Variants in RRP1B observed in about 807,000 individuals in gnomAD.
RRP1B encodes the protein ribosomal RNA processing 1B.
Under a neutral mutation model 80.2 loss-of-function variants are expected in RRP1B, and 56 were observed. The observed-to-expected ratio is 0.70, with a 90% CI of 0.56 to 0.87. The LOEUF (loss-of-function observed/expected upper bound fraction) is 0.87. Ranked by LOEUF, RRP1B falls within the 40% of genes least tolerant of loss-of-function variation. RRP1B has a pLI of 0.00. For missense variants in RRP1B, 807 were observed against 939.8 expected (o/e 0.86, Z 1.85); for synonymous variants, 351 against 357.6 (o/e 0.98, Z 0.21).
rs146142167 is a variant in RRP1B at position 43,687,865 on chromosome 21, G to A, written c.1491G>A (p.Met497Ile). Residue 497 changes from methionine (M) to isoleucine (I), a missense_variant, in exon 13 of 16, where the codon ATG becomes ATA. Coordinates refer to ENST00000340648, the MANE Select transcript of RRP1B (RefSeq NM_015056.3). The part of the protein sequence containing the change: ...LESAVLPPED[M>I]SQSGPSGSHP... The stretch of plus-strand genomic sequence containing the variant: ...CAGCAGTGTTGCCCCCAGAGGACAT[G>A]TCTCAGAGTGGCCCGAGTGGCAGTC... The A allele has an allele frequency of 2.5e-5, 41 of 1,613,234 alleles. No individual in the cohort carries two copies. The African/African-American group carries it at 4.8e-4, about 19-fold the overall frequency.
chr21:43,680,122 T>G (rs1022765158), intron 8 of RRP1B, among the ~76,000 whole-genome samples: 1 of 152,194 alleles, frequency 6.6e-6, no homozygotes, highest in Non-Finnish European at 1.5e-5. Context: ...GGTATATGAT[T>G]GTATCATCGG....
Position 43,659,733 on chromosome 21 carries a change from C to G in RRP1B, c.69C>G (p.Ile23Met), listed in dbSNP as rs368987434. The change falls in exon 1 of 16, where the codon ATC (isoleucine) becomes ATG (methionine). Residue 23 changes from isoleucine to methionine, a missense_variant. Transcript: ENST00000340648. The surrounding 1 kb of genome is among the most constrained non-coding windows in gnomAD (Gnocchi z 4.2). ...AQRLASSEKG[I>M]RDRAVKKLRQ... ...GGCTGGCGTCCAGCGAGAAGGGCAT[C>G]CGGGACCGAGCGGTGAAGAAGCTGC... is the stretch of plus-strand genomic sequence containing the variant. The G allele has an allele frequency of 2.6e-6, 4 of 1,533,962 alleles. No homozygotes were observed. The highest frequency in any genetic ancestry group is 3.5e-6 in the Non-Finnish European group (4 of 1,139,156).
intron 14 of RRP1B, 137 bp downstream of exon 14, chr21:43,690,577 G>C: frequency 3.2e-6 from 3 of 942,826 alleles, no homozygotes; most frequent in Non-Finnish European, 4.7e-6. Context: ...CAGGTTCCAC[G>C]GCCAGGGTAG....
intron 12 of RRP1B, 88 bp downstream of exon 12, chr21:43,687,023 C>T (rs1220165824): frequency 8.6e-6 from 12 of 1,399,764 alleles, no homozygotes; most frequent in South Asian, 2.5e-5. Context: ...GAGCTCGTGC[C>T]GTCATAAAGC....
intron 4 of RRP1B, 48 bp from the exon 5 acceptor site, chr21:43,674,586 CTT>C (rs33994751): frequency 0.038 from 14,721 of 386,930 alleles, 11 homozygotes; most frequent in African/African-American, 0.055. Context: ...CTTACCTTTC[CTT>C]TTTTTTTTTT....
intron 7 of RRP1B, 62 bp from the exon 8 acceptor site, chr21:43,676,671 G>C: frequency 6.7e-7 from 1 of 1,486,068 alleles, no homozygotes; most frequent in Non-Finnish European, 9.2e-7. Context: ...CTGTGCCCCT[G>C]AAGCCAGAAG....
chr21:43,686,533 G>A (rs2147174607), intron 11 of RRP1B: 1 of 337,970 alleles, frequency 3.0e-6, no homozygotes, highest in African/African-American at 2.1e-5. Flanking sequence ...AAGCTGGTTG[G>A]AATGCAGAGA....
In RRP1B at chr21:43,674,899, T is replaced by C. The variant is rs1601755072; in HGVS notation, c.420-135T>C. On this transcript the variant is annotated intron_variant, in intron 5 of 15. Coordinates refer to ENST00000340648, the MANE Select transcript of RRP1B (RefSeq NM_015056.3). ...ATCCTGATTTAAGTGATTGCTTTTT[T>C]CCTTGTAAAATGATTTCAGCCTTGC... is the stretch of plus-strand genomic sequence containing the variant. 1.2e-5 allele frequency: 16 copies of C among 1,281,964 alleles called. No individual in the cohort carries two copies. The East Asian group carries it at 3.7e-4, about 30-fold the overall frequency. 79.4% of individuals were successfully genotyped at this position (1,281,964 alleles called of 1,614,324 possible). A position where few individuals can be genotyped will look rare whatever the true frequency, so the allele number is the denominator to read the frequency against.
intron 1 of RRP1B, among the ~76,000 whole-genome samples, chr21:43,666,501 G>A (rs1324899524): frequency 6.6e-6 from 1 of 152,196 alleles, no homozygotes; most frequent in African/African-American, 2.4e-5. Context: ...GGGGGATCAT[G>A]TGGTCAAGAG....
At chr21:43,684,688 C>CT in intron 10 of RRP1B, 38 bp downstream of exon 10, 1 of 1,513,834 alleles carries the variant, frequency 6.6e-7, no homozygotes, top group Non-Finnish European at 9.2e-7. Context: ...ATCATCATTC[C>CT]TTTAGTTCTC....
At chr21:43,682,175 A>G (rs1257159412) in intron 8 of RRP1B, among the ~76,000 whole-genome samples, 2 of 152,142 alleles carry the variant, frequency 1.3e-5, no homozygotes, top group Non-Finnish European at 2.9e-5. Flanking sequence ...AAGGACCTGG[A>G]GCAAATTTTA....
intron 6 of RRP1B, 61 bp downstream of exon 6, chr21:43,675,224 G>A (rs538681626): frequency 2.2e-5 from 34 of 1,562,266 alleles, no homozygotes; most frequent in Admixed American, 1.7e-4. Context: ...CGCAGTAGTC[G>A]CCAGTGAAGT....
intron 13 of RRP1B, among the ~76,000 whole-genome samples, chr21:43,689,953 G>A (rs566665658): frequency 1.3e-5 from 2 of 152,274 alleles, no homozygotes; most frequent in African/African-American, 2.4e-5. Context: ...GCGCAGTGAC[G>A]ATTCAGCTAC....
At chr21:43,669,132 A>G (rs1298723091) in intron 1 of RRP1B, among the ~76,000 whole-genome samples, 1 of 151,802 alleles carries the variant, frequency 6.6e-6, no homozygotes, top group Non-Finnish European at 1.5e-5. Flanking sequence ...TGCCACAGTA[A>G]ATGATCACCG....
intron 8 of RRP1B, among the ~76,000 whole-genome samples, chr21:43,678,450 C>T (rs370439115): frequency 2.0e-5 from 3 of 152,266 alleles, no homozygotes; most frequent in South Asian, 2.1e-4. Context: ...TGAGCCACCG[C>T]GCCCGGCCAC....
intron 1 of RRP1B, among the ~76,000 whole-genome samples, chr21:43,666,495 G>A (rs895977146): frequency 6.6e-6 from 1 of 152,216 alleles, no homozygotes; most frequent in African/African-American, 2.4e-5. Context: ...AAGGTGGGGG[G>A]ATCATGTGGT....
Position 43,672,377 on chromosome 21 carries a change from T to C in RRP1B, c.271+12T>C. 6.2e-7 allele frequency: 1 copy of C among 1,610,694 alleles called. No individual in the cohort carries two copies. The highest frequency in any genetic ancestry group is 8.5e-7 in the Non-Finnish European group (1 of 1,176,844). ...CAACTCAGCGGCTCGTAAGTCCTGT[T>C]GTTTCTTCTCCTTCCTTCCAAGTTT... On this transcript the variant is annotated intron_variant, in intron 3 of 15. Transcript: ENST00000340648.
intron 8 of RRP1B, among the ~76,000 whole-genome samples, chr21:43,680,670 C>T (rs762406242): frequency 5.3e-5 from 8 of 152,110 alleles, no homozygotes; most frequent in Non-Finnish European, 1.0e-4. Flanking sequence ...AAGTGATCCT[C>T]GCACTTCAGC....
At chr21:43,670,296 C>A (rs1360872797) in intron 2 of RRP1B, among the ~76,000 whole-genome samples, 1 of 152,230 alleles carries the variant, frequency 6.6e-6, no homozygotes, top group African/African-American at 2.4e-5. Flanking sequence ...GATGGCATGA[C>A]AGGAGCACTA....
Sources: gnomAD v4.1 joint callset for allele counts (sites outside exome capture counted in the v4.1 genomes callset) on GRCh38, gnomAD v4.1.1 for gene constraint, Gnocchi (gnomAD v3.1) non-coding constraint, MANE v1.5 for transcripts, NCBI Gene and HGNC (gene_info 2026-07-23, HGNC 2026-07-21) for gene names.